Variants in PCCA observed in about 807,000 individuals in gnomAD.
PCCA encodes propionyl-CoA carboxylase subunit alpha.
PCCA carries 74 observed loss-of-function variants against 101.3 expected under a neutral mutation model. The observed-to-expected ratio is 0.73, with a 90% CI of 0.61 to 0.89. The LOEUF (loss-of-function observed/expected upper bound fraction) is 0.89. Among genes scored for constraint, PCCA ranks in the 40% least tolerant of loss-of-function variants. The probability of loss-of-function intolerance (pLI) is 0.00; values close to 1 mark genes in which losing one functional copy is unlikely to be tolerated. For missense variants in PCCA, 891 were observed against 907.0 expected, an observed-to-expected ratio of 0.98 and a Z score of 0.23; for synonymous variants, 294 against 313.6, an observed-to-expected ratio of 0.94 and a Z score of 0.66.
chr13:100,132,866 C>T (rs867430360), intron 4 of PCCA, among the ~76,000 whole-genome samples: 2 of 152,198 alleles, frequency 1.3e-5, no homozygotes, highest in South Asian at 2.1e-4. Flanking sequence ...CTCCACCTCC[C>T]GGGTTCAAGC....
intron 7 of PCCA, among the ~76,000 whole-genome samples, chr13:100,227,006 T>C (rs906177888): frequency 2.6e-5 from 4 of 152,208 alleles, no homozygotes; most frequent in Non-Finnish European, 4.4e-5. Flanking sequence ...ATAGCGCCTG[T>C]GTTCTTTTTT....
chr13:100,405,239 T>C (rs888895228), intron 19 of PCCA, among the ~76,000 whole-genome samples: 7 of 152,300 alleles, frequency 4.6e-5, no homozygotes, highest in Middle Eastern at 3.4e-3. Flanking sequence ...TCCTATTTAT[T>C]CCCATCCCCT....
intron 6 of PCCA, among the ~76,000 whole-genome samples, chr13:100,181,323 G>C (rs2152430590): frequency 6.6e-6 from 1 of 152,308 alleles, no homozygotes; most frequent in South Asian, 2.1e-4. Flanking sequence ...ATCCCATTGT[G>C]CTAGGCACTG....
intron 21 of PCCA, among the ~76,000 whole-genome samples, chr13:100,493,876 T>C (rs1037375362): frequency 2.0e-4 from 31 of 152,126 alleles, no homozygotes; most frequent in African/African-American, 7.2e-4. Context: ...CATTCAGACA[T>C]AGAGAGCAGT....
chr13:100,336,192 G>A (rs916701654), intron 17 of PCCA, among the ~76,000 whole-genome samples: 11 of 152,190 alleles, frequency 7.2e-5, no homozygotes, highest in Non-Finnish European at 1.6e-4. Context: ...AACCCAGGAG[G>A]TAAAGGTTGT....
intron 17 of PCCA, among the ~76,000 whole-genome samples, chr13:100,339,004 A>G (rs1286734184): frequency 6.6e-6 from 1 of 151,858 alleles, no homozygotes; most frequent in Non-Finnish European, 1.5e-5. Context: ...TTTGAATTGT[A>G]CATTTGTTTC....
chr13:100,270,072 A>G (rs1434478295), intron 11 of PCCA, among the ~76,000 whole-genome samples: 1 of 152,226 alleles, frequency 6.6e-6, no homozygotes, highest in African/African-American at 2.4e-5. Flanking sequence ...ACCAGCCAGT[A>G]TGCTGTGAAG....
intron 16 of PCCA, among the ~76,000 whole-genome samples, chr13:100,329,660 A>G (rs747571068): frequency 4.6e-5 from 7 of 152,182 alleles, no homozygotes; most frequent in Non-Finnish European, 1.0e-4. Context: ...CTACAAGACA[A>G]TGAACCATTT....
chr13:100,223,026 AT>A (rs1341528696), intron 7 of PCCA, among the ~76,000 whole-genome samples: 1 of 152,220 alleles, frequency 6.6e-6, no homozygotes, highest in Non-Finnish European at 1.5e-5. Context: ...TTATCAAGTA[AT>A]CGTTTGGTAT....
chr13:100,491,128 GA>G (rs138870448), intron 21 of PCCA: 2,774 of 152,404 alleles, frequency 0.018, 90 homozygotes, highest in African/African-American at 0.063. Context: ...AACATTGTAA[GA>G]AATAGTCACT....
chr13:100,321,349 C>T (rs1345538609), intron 16 of PCCA, among the ~76,000 whole-genome samples: 1 of 152,146 alleles, frequency 6.6e-6, no homozygotes, highest in Non-Finnish European at 1.5e-5. Flanking sequence ...AGCATCCTAG[C>T]ATATTGCCTT....
At chr13:100,442,420 T>G (rs1034517689) in intron 20 of PCCA, among the ~76,000 whole-genome samples, 1 of 152,252 alleles carries the variant, frequency 6.6e-6, no homozygotes, top group Non-Finnish European at 1.5e-5. Flanking sequence ...TATTGGTACT[T>G]ATACCTATGG....
intron 12 of PCCA, among the ~76,000 whole-genome samples, chr13:100,280,594 C>G (rs2064023738): frequency 6.6e-6 from 1 of 152,132 alleles, no homozygotes; most frequent in Admixed American, 6.5e-5. Flanking sequence ...GAAAGATGGA[C>G]AGCTAGATGG....
chr13:100,203,360 A>T (rs2058654697), intron 6 of PCCA, among the ~76,000 whole-genome samples: 1 of 151,236 alleles, frequency 6.6e-6, no homozygotes, highest in Non-Finnish European at 1.5e-5. Flanking sequence ...CCCTACATGG[A>T]TGTTACTCTG....
intron 9 of PCCA, among the ~76,000 whole-genome samples, chr13:100,260,813 G>A (rs2062446900): frequency 1.3e-5 from 2 of 151,138 alleles, no homozygotes; most frequent in African/African-American, 2.4e-5. Context: ...TATATGACAA[G>A]GATTATCATT....
At chr13:100,400,620 CTTTTTAGTTCTTTTT>C (rs769936849) in intron 19 of PCCA, among the ~76,000 whole-genome samples, 2 of 61,948 alleles carry the variant, frequency 3.2e-5, no homozygotes, top group East Asian at 8.9e-4. Context: ...GATCTTAGTT[CTTTTTAGTTCTTTTT>C]TTTTTTTTTT....
intron 18 of PCCA, among the ~76,000 whole-genome samples, chr13:100,343,191 G>A (rs181162958): frequency 2.6e-5 from 4 of 152,164 alleles, no homozygotes; most frequent in African/African-American, 2.4e-5. Flanking sequence ...GTGTGACTCC[G>A]TCTCAAACAA....
At chr13:100,385,843 C>T (rs2076471131) in intron 19 of PCCA, among the ~76,000 whole-genome samples, 1 of 152,184 alleles carries the variant, frequency 6.6e-6, no homozygotes, top group Admixed American at 6.5e-5. Flanking sequence ...AACTCCTGGG[C>T]TGAAACAATC....
At chr13:100,336,928 A>G (rs1408612819) in intron 17 of PCCA, among the ~76,000 whole-genome samples, 2 of 152,178 alleles carry the variant, frequency 1.3e-5, no homozygotes, top group African/African-American at 4.8e-5. Flanking sequence ...TGTGTCCTGC[A>G]TGTGAGGCTG....
Sources: gnomAD v4.1 joint callset for allele counts (sites outside exome capture counted in the v4.1 genomes callset) on GRCh38, gnomAD v4.1.1 for gene constraint, MANE v1.5 for transcripts, NCBI Gene and HGNC (gene_info 2026-07-23, HGNC 2026-07-21) for gene names.